Variants in SCMH1 observed in about 807,000 individuals in gnomAD.
SCMH1 encodes Scm polycomb group protein homolog 1.
A neutral mutation model predicts 70.8 loss-of-function variants in SCMH1; 37 were observed. That is an observed-to-expected ratio of 0.52 (90% CI 0.40 to 0.69). The LOEUF (loss-of-function observed/expected upper bound fraction) is 0.69. Ranked by LOEUF, SCMH1 falls within the 30% of genes least tolerant of loss-of-function variation. SCMH1 has a pLI of 0.00. For synonymous variants in SCMH1, 292 were observed against 307.4 expected (o/e 0.95, Z 0.52); for missense variants, 607 against 827.3 (o/e 0.73, Z 3.27).
chr1:41,169,389 C>T (rs182940882), intron 2 of SCMH1, among the ~76,000 whole-genome samples: 2 of 151,948 alleles, frequency 1.3e-5, no homozygotes, highest in East Asian at 3.9e-4. Flanking sequence ...ACAAATGGGA[C>T]CTACATGTTC....
chr1:41,150,857 T>C (rs551195804), intron 5 of SCMH1, among the ~76,000 whole-genome samples: 1 of 140,490 alleles, frequency 7.1e-6, no homozygotes, highest in South Asian at 2.2e-4. Context: ...GAATGGTATG[T>C]ACCCAGGAGG....
intron 1 of SCMH1, among the ~76,000 whole-genome samples, chr1:41,207,454 A>G (rs1360624957): frequency 6.6e-6 from 1 of 152,214 alleles, no homozygotes; most frequent in Non-Finnish European, 1.5e-5. Flanking sequence ...AGGCCATTAC[A>G]TAATGGTAAA....
At chr1:41,101,330 A>T (rs1213695830) in intron 8 of SCMH1, among the ~76,000 whole-genome samples, 1 of 152,216 alleles carries the variant, frequency 6.6e-6, no homozygotes, top group African/African-American at 2.4e-5. Flanking sequence ...GATGGTTTCA[A>T]GATGAGTCTT....
chr1:41,159,858 C>G (rs1372985475), intron 4 of SCMH1: 1 of 1,318,988 alleles, frequency 7.6e-7, no homozygotes, highest in African/African-American at 1.5e-5. Flanking sequence ...CATAATAATC[C>G]TCCAAAGTTG....
At chr1:41,086,023 T>G (rs1661549418) in intron 8 of SCMH1, among the ~76,000 whole-genome samples, 1 of 151,828 alleles carries the variant, frequency 6.6e-6, no homozygotes, top group Non-Finnish European at 1.5e-5. Flanking sequence ...GTATTTTTAG[T>G]AGAGATAGGG....
At chr1:41,086,061 G>A (rs570701237) in intron 8 of SCMH1, among the ~76,000 whole-genome samples, 1 of 152,070 alleles carries the variant, frequency 6.6e-6, no homozygotes, top group East Asian at 1.9e-4. Flanking sequence ...GGATGGTCTC[G>A]ATCTCCTGAC....
At chr1:41,236,166 T>C (rs1309871904) in intron 1 of SCMH1, among the ~76,000 whole-genome samples, 4 of 152,176 alleles carry the variant, frequency 2.6e-5, no homozygotes, top group Admixed American at 6.5e-5. Flanking sequence ...TATAAGAATA[T>C]ATTATATCAG....
At chr1:41,067,545 C>T (rs1392966253) in intron 10 of SCMH1, among the ~76,000 whole-genome samples, 1 of 149,792 alleles carries the variant, frequency 6.7e-6, no homozygotes, top group Non-Finnish European at 1.5e-5. Context: ...TGAAAGAAGC[C>T]AATCTGAAAA....
chr1:41,041,358 T>C (rs1376454755), intron 12 of SCMH1: 1 of 152,266 alleles, frequency 6.6e-6, no homozygotes, highest in African/African-American at 2.4e-5. Flanking sequence ...AAAAAGATAT[T>C]GTCTCTATCC....
intron 1 of SCMH1, among the ~76,000 whole-genome samples, chr1:41,234,451 CTCTTTTTTTT>C (rs1661921051): frequency 1.7e-5 from 2 of 121,096 alleles, no homozygotes; most frequent in Non-Finnish European, 3.3e-5. Context: ...GCAACTCTGC[CTCTTTTTTTT>C]TTTTTTTTTT....
chr1:41,085,153 A>C (rs1222102069), intron 8 of SCMH1, among the ~76,000 whole-genome samples: 1 of 151,522 alleles, frequency 6.6e-6, no homozygotes, highest in Non-Finnish European at 1.5e-5. Context: ...ATAAAATAAA[A>C]AACAAGAAAA....
At chr1:41,125,625 T>C (rs1029919641) in intron 6 of SCMH1, among the ~76,000 whole-genome samples, 135 of 151,548 alleles carry the variant, frequency 8.9e-4, no homozygotes, top group African/African-American at 3.2e-3. Flanking sequence ...CAGGCTGGAG[T>C]GCAATAGCAT....
chr1:41,041,256 C>T (rs1646128701), intron 12 of SCMH1: 1 of 152,056 alleles, frequency 6.6e-6, no homozygotes, highest in Non-Finnish European at 1.5e-5. Context: ...CTCTCTGAAC[C>T]ACTTCCCACA....
At chr1:41,225,940 G>C (rs1478116607) in intron 1 of SCMH1, among the ~76,000 whole-genome samples, 1 of 152,096 alleles carries the variant, frequency 6.6e-6, no homozygotes, top group Non-Finnish European at 1.5e-5. Flanking sequence ...TAAAGACACA[G>C]CTTATCTGGT....
At chr1:41,198,551 T>C (rs1054048727) in intron 1 of SCMH1, among the ~76,000 whole-genome samples, 17 of 152,166 alleles carry the variant, frequency 1.1e-4, no homozygotes, top group Non-Finnish European at 1.9e-4. Flanking sequence ...CTTTCATAAA[T>C]TTTCTAGTAT....
At chr1:41,207,874 C>G (rs1235235072) in intron 1 of SCMH1, among the ~76,000 whole-genome samples, 1 of 150,510 alleles carries the variant, frequency 6.6e-6, no homozygotes, top group African/African-American at 2.5e-5. Context: ...GTGGCGATTC[C>G]TCAGGGATCT....
intron 1 of SCMH1, among the ~76,000 whole-genome samples, chr1:41,231,072 T>A (rs991197266): frequency 2.0e-5 from 3 of 152,222 alleles, no homozygotes; most frequent in Admixed American, 2.0e-4. Context: ...GAATTCTATA[T>A]ACCATGTTAA....
chr1:41,178,804 C>G (rs556773850), intron 2 of SCMH1, among the ~76,000 whole-genome samples: 3 of 152,216 alleles, frequency 2.0e-5, no homozygotes, highest in Non-Finnish European at 4.4e-5. Context: ...TAACACCCCA[C>G]TGTCAACATT....
At chr1:41,039,951 C>CTT (rs11369029) in intron 12 of SCMH1, among the ~76,000 whole-genome samples, 356 of 147,176 alleles carry the variant, frequency 2.4e-3, no homozygotes, top group South Asian at 8.6e-3. Context: ...TGCCAAAAAA[C>CTT]TTTTTTTTTT....
Sources: gnomAD v4.1 joint callset for allele counts (sites outside exome capture counted in the v4.1 genomes callset) on GRCh38, gnomAD v4.1.1 for gene constraint, MANE v1.5 for transcripts, NCBI Gene and HGNC (gene_info 2026-07-23, HGNC 2026-07-21) for gene names.